DMD: variants seen among roughly 807,000 people sequenced by gnomAD.
DMD encodes dystrophin.
Under a neutral mutation model 330.1 loss-of-function variants are expected in DMD, and 63 were observed. That is an observed-to-expected ratio of 0.19 (90% CI 0.16 to 0.24). DMD has a LOEUF of 0.24. Ranked by LOEUF, DMD falls within the 10% of genes least tolerant of loss-of-function variation. The pLI, the probability that DMD is intolerant of heterozygous loss-of-function variation, is 1.00. For missense variants in DMD, 3,344 were observed against 2,684.1 expected, an observed-to-expected ratio of 1.25 and a Z score of -5.43; for synonymous variants, 1,223 against 959.8, an observed-to-expected ratio of 1.27 and a Z score of -5.07.
At chrX:32,806,336 AC>A (rs199950453) in intron 7 of DMD, among the ~76,000 whole-genome samples, 2,755 of 111,068 alleles carry the variant, frequency 0.025, 76 homozygotes, top group African/African-American at 0.083. Flanking sequence ...TTTAAAAAAA[AC>A]AAAAAAAGAC....
chrX:31,778,887 G>A (rs922083094), intron 50 of DMD, among the ~76,000 whole-genome samples: 1 of 111,697 alleles, frequency 9.0e-6, no homozygotes, highest in African/African-American at 3.3e-5. Context: ...TTATTTTATT[G>A]TATATATCAC....
intron 44 of DMD, among the ~76,000 whole-genome samples, chrX:32,089,761 A>G (rs765254205): frequency 8.9e-6 from 1 of 112,046 alleles, no homozygotes; most frequent in Non-Finnish European, 1.9e-5. Context: ...CACAACGTGC[A>G]TATGTCTTTA....
intron 41 of DMD, among the ~76,000 whole-genome samples, chrX:32,328,008 TTAAA>T (rs1200400006): frequency 8.9e-6 from 1 of 111,827 alleles, no homozygotes; most frequent in African/African-American, 3.2e-5. Flanking sequence ...CAATTATTTC[TTAAA>T]TAATAATTAA....
chrX:32,943,668 G>C (rs10126880), intron 2 of DMD, among the ~76,000 whole-genome samples: 24,773 of 110,651 alleles, frequency 0.22, 2,183 homozygotes, highest in East Asian at 0.43. Flanking sequence ...GCATTTCTTC[G>C]ATAATTTCCC....
At chrX:32,762,662 G>C (rs757294249) in intron 7 of DMD, among the ~76,000 whole-genome samples, 10 of 110,271 alleles carry the variant, frequency 9.1e-5, no homozygotes, top group African/African-American at 1.7e-4. Context: ...TAAAGAGGGA[G>C]AAGAAGTATG....
chrX:31,327,324 C>T (rs2056849258), intron 61 of DMD, among the ~76,000 whole-genome samples: 1 of 111,881 alleles, frequency 8.9e-6, no homozygotes, highest in Admixed American at 9.5e-5. Flanking sequence ...CTTTTCCTTC[C>T]TTGAGGTGAC....
chrX:31,452,331 C>T (rs1023933034), intron 59 of DMD, among the ~76,000 whole-genome samples: 6 of 108,966 alleles, frequency 5.5e-5, no homozygotes, highest in African/African-American at 2.1e-4. Flanking sequence ...GCCTGTAATC[C>T]TAGCACTTTG....
rs1408621758 is a variant in DMD at position 31,760,697 on chromosome X, C to T, written c.7542+13263G>A. 9.0e-5 allele frequency among the ~76,000 whole-genome samples: 10 copies of T among 111,640 alleles called. 1 individual carries two copies. Among genetic ancestry groups the T allele is most frequent in the Non-Finnish European group, 1.1e-4 (6 of 53,112 alleles). On this transcript the variant is annotated intron_variant, in intron 51 of 78. Transcript: ENST00000357033. ...CTCCGAATGTATATCTGTTGTTGAGCAATGCATGACTGTATACCCCTGTGA... is the reference window on the plus strand; with the variant it reads ...CTCCGAATGTATATCTGTTGTTGAGTAATGCATGACTGTATACCCCTGTGA...
chrX:32,315,526 G>GA (rs1346927322), intron 41 of DMD, among the ~76,000 whole-genome samples: 2 of 106,227 alleles, frequency 1.9e-5, no homozygotes, highest in East Asian at 2.9e-4. Flanking sequence ...AAAAAAAAAA[G>GA]AAAAAATCAT....
At chrX:32,853,911 A>G (rs1285197609) in intron 2 of DMD, among the ~76,000 whole-genome samples, 3 of 111,769 alleles carry the variant, frequency 2.7e-5, no homozygotes, top group African/African-American at 9.7e-5. Context: ...ATAGCAACCA[A>G]AAAAGAACAG....
intron 52 of DMD, among the ~76,000 whole-genome samples, chrX:31,729,164 T>G (rs997523950): frequency 5.4e-5 from 6 of 111,913 alleles, no homozygotes; most frequent in Admixed American, 3.8e-4. Context: ...TGATTTTTGA[T>G]ATTACAAAAT....
intron 21 of DMD, among the ~76,000 whole-genome samples, chrX:32,478,787 C>T (rs1489571384): frequency 9.0e-6 from 1 of 111,442 alleles, no homozygotes; most frequent in Non-Finnish European, 1.9e-5. Context: ...CGCTGCTGCT[C>T]AGGCTCCATT....
chrX:33,211,488 C>T lies in DMD; in HGVS notation c.-176G>A, dbSNP rs1330436621. 3 of 1,110,640 alleles carry T rather than the reference C, an allele frequency of 2.7e-6. No individual in the cohort carries two copies. Among genetic ancestry groups the T allele is most frequent in the Non-Finnish European group, 3.6e-6 (3 of 845,058 alleles). 91.5% of individuals were successfully genotyped at this position (1,110,640 alleles called of 1,213,427 possible). A position where few individuals can be genotyped will look rare whatever the true frequency, so the allele number is the denominator to read the frequency against. On this transcript the variant is annotated 5_prime_UTR_variant, in exon 1 of 79. Coordinates refer to ENST00000357033, the MANE Select transcript of DMD (RefSeq NM_004006.3). ...CTCCGAAGGTAATTGCCTCCCAGAT[C>T]TGAGTCCTGTAGGGGGAAAGTGAGT...
chrX:31,661,500 C>T (rs1368954468), intron 53 of DMD, among the ~76,000 whole-genome samples: 1 of 111,548 alleles, frequency 9.0e-6, no homozygotes, highest in Admixed American at 9.5e-5. Flanking sequence ...CCAGCTTTGC[C>T]TACTGCTGTG....
chrX:33,269,288 C>T (rs1301882185), intron 1 of DMD, among the ~76,000 whole-genome samples: 2 of 111,232 alleles, frequency 1.8e-5, no homozygotes, highest in Admixed American at 1.9e-4. Context: ...TCCTTTGCAG[C>T]GACATGGATG....
At position 32,434,077 on chromosome X, in the gene DMD, T is replaced by C. The variant is rs771687878; in HGVS notation, c.4071+4164A>G. Among the ~76,000 whole-genome samples, 7 of 112,222 alleles carry C rather than the reference T, an allele frequency of 6.2e-5. No individual in the cohort carries two copies. In the South Asian group the frequency reaches 2.6e-3, roughly 41 times the overall value. ...TCACACTCTGAAATTAGGGATGGGA[T>C]CTAGCAAATCTCTTTTAAATATTCA... On this transcript the variant is annotated intron_variant, in intron 29 of 78. Coordinates refer to ENST00000357033, the MANE Select transcript of DMD (RefSeq NM_004006.3).
intron 74 of DMD, among the ~76,000 whole-genome samples, chrX:31,151,770 A>G (rs1317980700): frequency 8.9e-6 from 1 of 111,978 alleles, no homozygotes; most frequent in Non-Finnish European, 1.9e-5. Flanking sequence ...TCCTTCTTCA[A>G]TTCTGGAAGA....
chrX:32,749,397 G>C (rs189313915), intron 7 of DMD, among the ~76,000 whole-genome samples: 7 of 112,187 alleles, frequency 6.2e-5, no homozygotes, highest in East Asian at 2.8e-4. Flanking sequence ...TCTAGAAATA[G>C]ATGCCTAAAA....
At chrX:33,284,124 A>T (rs1467322393) in intron 1 of DMD, among the ~76,000 whole-genome samples, 1 of 110,937 alleles carries the variant, frequency 9.0e-6, no homozygotes, top group Non-Finnish European at 1.9e-5. Flanking sequence ...TATATATATA[A>T]AATACACATA....
Sources: allele counts gnomAD v4.1 joint callset (sites outside exome capture counted in the v4.1 genomes callset), GRCh38; gene constraint gnomAD v4.1.1; transcripts MANE v1.5; gene names NCBI Gene and HGNC (gene_info 2026-07-23, HGNC 2026-07-21).